Variants in ASTN2 observed in about 807,000 individuals in gnomAD.
ASTN2 encodes the protein astrotactin 2.
Under a neutral mutation model 139.8 loss-of-function variants are expected in ASTN2, and 54 were observed. That is an observed-to-expected ratio of 0.39 (90% CI 0.31 to 0.48). The LOEUF (loss-of-function observed/expected upper bound fraction) is 0.48. Ranked by LOEUF, ASTN2 falls within the 20% of genes least tolerant of loss-of-function variation. ASTN2 has a pLI of 0.95. For missense variants in ASTN2, 1,565 were observed against 1,725.1 expected (o/e 0.91, Z 1.64); for synonymous variants, 756 against 719.5 (o/e 1.05, Z -0.81).
intron 1 of ASTN2, among the ~76,000 whole-genome samples, chr9:117,371,526 G>A (rs988453228): frequency 6.6e-6 from 1 of 152,054 alleles, no homozygotes; most frequent in Admixed American, 6.6e-5. Context: ...ACAAACTTAG[G>A]AGCTGGATAA....
intron 19 of ASTN2, among the ~76,000 whole-genome samples, chr9:116,541,252 C>T (rs1353746721): frequency 2.0e-5 from 3 of 151,924 alleles, no homozygotes; most frequent in East Asian, 3.9e-4. Context: ...GAAATTTAGG[C>T]GGGAAAGAGA....
intron 3 of ASTN2, among the ~76,000 whole-genome samples, chr9:117,207,325 C>T (rs1277483238): frequency 1.3e-5 from 2 of 152,168 alleles, no homozygotes; most frequent in Non-Finnish European, 2.9e-5. Context: ...GCAGTTATAT[C>T]GTGGGCCTGA....
chr9:117,375,208 G>A (rs1830091335), intron 1 of ASTN2, among the ~76,000 whole-genome samples: 1 of 152,228 alleles, frequency 6.6e-6, no homozygotes. Context: ...AGTCTGGAGG[G>A]AAATGTCTGG....
intron 1 of ASTN2, among the ~76,000 whole-genome samples, chr9:117,307,405 C>T (rs951218224): frequency 6.6e-6 from 1 of 152,230 alleles, no homozygotes; most frequent in African/African-American, 2.4e-5. Context: ...CTAACACTGA[C>T]ATCATGAGTA....
chr9:116,939,249 A>G (rs1381818420), intron 10 of ASTN2, among the ~76,000 whole-genome samples: 2 of 152,180 alleles, frequency 1.3e-5, no homozygotes, highest in African/African-American at 2.4e-5. Context: ...GTAGCTAGCT[A>G]TTAGTAGTAG....
At chr9:117,202,664 C>T (rs1285529342) in intron 3 of ASTN2, among the ~76,000 whole-genome samples, 2 of 152,166 alleles carry the variant, frequency 1.3e-5, no homozygotes, top group African/African-American at 2.4e-5. Flanking sequence ...TATTGGCCCC[C>T]AATCTCTTCT....
intron 2 of ASTN2, among the ~76,000 whole-genome samples, chr9:117,234,636 C>A (rs544016209): frequency 6.6e-6 from 1 of 152,136 alleles, no homozygotes; most frequent in Non-Finnish European, 1.5e-5. Context: ...ATAAAAGAGG[C>A]GCTGCTCCAG....
intron 4 of ASTN2, among the ~76,000 whole-genome samples, chr9:117,110,740 G>A (rs781336682): frequency 6.6e-5 from 10 of 152,212 alleles, no homozygotes; most frequent in Non-Finnish European, 1.0e-4. Context: ...AGCACAGGAT[G>A]AATTTCTCAT....
intron 7 of ASTN2, among the ~76,000 whole-genome samples, chr9:116,992,001 G>A (rs190761954): frequency 7.9e-5 from 12 of 152,230 alleles, no homozygotes; most frequent in Admixed American, 3.9e-4. Context: ...ATGAATGAGC[G>A]TACCTGAGCA....
chr9:116,577,568 T>C (rs1164267350), intron 19 of ASTN2, among the ~76,000 whole-genome samples: 3 of 151,864 alleles, frequency 2.0e-5, no homozygotes, highest in Non-Finnish European at 2.9e-5. Context: ...AAAGAATGTA[T>C]GTTATGATCC....
At chr9:116,893,858 T>C (rs977264361) in intron 10 of ASTN2, among the ~76,000 whole-genome samples, 3 of 152,208 alleles carry the variant, frequency 2.0e-5, no homozygotes, top group Admixed American at 1.3e-4. Flanking sequence ...GATTTAGGGA[T>C]ACCAAGAGAG....
intron 13 of ASTN2, among the ~76,000 whole-genome samples, chr9:116,782,523 C>A (rs528592837): frequency 9.2e-5 from 14 of 152,276 alleles, no homozygotes; most frequent in African/African-American, 3.1e-4. Context: ...CCTTTCACCT[C>A]CCTGGGGACT....
chr9:116,609,328 C>CTCTATATA (rs140484650), intron 19 of ASTN2, among the ~76,000 whole-genome samples: 6 of 122,530 alleles, frequency 4.9e-5, no homozygotes, highest in East Asian at 2.3e-4. Context: ...CTCTCTCTCT[C>CTCTATATA]TATATATATA....
Position 117,188,369 on chromosome 9 carries a change from G to C in ASTN2, c.1015+25989C>G, listed in dbSNP as rs559466170. Among the ~76,000 whole-genome samples, 66 of 152,190 alleles carry C rather than the reference G, an allele frequency of 4.3e-4. 1 individual carries two copies. In the South Asian group the frequency reaches 0.012, roughly 27 times the overall value. ...CTTTCCATAGCATGAGGAGTTTTCC[G>C]AAGTTGCCTGCGTATATTAATACTG... On this transcript the variant is annotated intron_variant, in intron 3 of 22. Transcript: ENST00000313400.
At chr9:116,965,141 T>G (rs1331802533) in intron 10 of ASTN2, among the ~76,000 whole-genome samples, 1 of 152,200 alleles carries the variant, frequency 6.6e-6, no homozygotes, top group Non-Finnish European at 1.5e-5. Context: ...CTGTTTGTAG[T>G]CTCAGAAACC....
At chr9:116,590,488 G>T (rs569413202) in intron 19 of ASTN2, among the ~76,000 whole-genome samples, 2 of 152,210 alleles carry the variant, frequency 1.3e-5, no homozygotes, top group African/African-American at 2.4e-5. Context: ...CTCTGCACAG[G>T]CCAGCAGGCA....
intron 11 of ASTN2, among the ~76,000 whole-genome samples, chr9:116,859,821 C>G (rs913277213): frequency 2.0e-5 from 3 of 152,190 alleles, no homozygotes; most frequent in African/African-American, 7.2e-5. Context: ...GTGATCCTCC[C>G]CACTGTGAAA....
intron 19 of ASTN2, among the ~76,000 whole-genome samples, chr9:116,565,523 C>T: frequency 6.7e-6 from 1 of 150,096 alleles, no homozygotes; most frequent in Non-Finnish European, 1.5e-5. Flanking sequence ...CAGTCACACC[C>T]TTCCCTCCAC....
intron 1 of ASTN2, among the ~76,000 whole-genome samples, chr9:117,351,226 T>C (rs187651508): frequency 2.6e-5 from 4 of 152,222 alleles, no homozygotes; most frequent in African/African-American, 7.2e-5. Flanking sequence ...AATACGGCAA[T>C]CCCAGCTCAA....
Sources: allele counts gnomAD v4.1 joint callset (sites outside exome capture counted in the v4.1 genomes callset), GRCh38; gene constraint gnomAD v4.1.1; transcripts MANE v1.5; gene names NCBI Gene and HGNC (gene_info 2026-07-23, HGNC 2026-07-21).